The following PIGN variants were observed in gnomAD, a reference collection of about 807,000 sequenced individuals.
The protein encoded by PIGN is GPI ethanolamine phosphate transferase 1.
In PIGN, 117 loss-of-function variants were observed where a neutral mutation model predicts 125.4. The ratio of observed to expected loss-of-function variants is 0.93; its 90% CI spans 0.80 to 1.09. The LOEUF (loss-of-function observed/expected upper bound fraction) is 1.09, where lower values mean the gene tolerates loss of function less well. Among genes scored for constraint, PIGN ranks in the 50% least tolerant of loss-of-function variants. The probability of loss-of-function intolerance (pLI) is 0.00; values close to 1 mark genes in which losing one functional copy is unlikely to be tolerated. For synonymous variants in PIGN, 392 were observed against 377.8 expected, an observed-to-expected ratio of 1.04 and a Z score of -0.44; for missense variants, 1,075 against 1,094.9, an observed-to-expected ratio of 0.98 and a Z score of 0.26.
chr18:62,158,812 G>A (rs532451930), intron 4 of PIGN, among the ~76,000 whole-genome samples: 21 of 152,220 alleles, frequency 1.4e-4, no homozygotes, highest in Admixed American at 5.9e-4. Context: ...AAATATTAAC[G>A]AGAAATATTC....
At chr18:62,150,508 A>T (rs1435426010) in intron 7 of PIGN, among the ~76,000 whole-genome samples, 4 of 152,196 alleles carry the variant, frequency 2.6e-5, no homozygotes, top group Non-Finnish European at 5.9e-5. Context: ...AGTTTTTTAA[A>T]GTAAATAGAT....
intron 10 of PIGN, among the ~76,000 whole-genome samples, chr18:62,143,811 A>C (rs908949216): frequency 6.6e-6 from 1 of 152,210 alleles, no homozygotes; most frequent in Non-Finnish European, 1.5e-5. Flanking sequence ...TCCTGTAGTC[A>C]CTAATCACAA....
At chr18:62,145,847 A>C (rs2036307105) in intron 10 of PIGN, 62 bp downstream of exon 10, 1 of 823,578 alleles carries the variant, frequency 1.2e-6, no homozygotes, top group African/African-American at 1.7e-5. Flanking sequence ...TTTCTTAAAA[A>C]TTTAAACTTT....
intron 30 of PIGN, among the ~76,000 whole-genome samples, chr18:62,070,812 AT>A (rs1028296149): frequency 3.9e-4 from 57 of 147,668 alleles, no homozygotes; most frequent in African/African-American, 1.5e-3. Flanking sequence ...TAATTAATTA[AT>A]TTTTTTTTGA....
intron 3 of PIGN, among the ~76,000 whole-genome samples, chr18:62,161,753 C>T (rs2147627609): frequency 1.3e-5 from 2 of 152,238 alleles, no homozygotes; most frequent in South Asian, 2.1e-4. Context: ...TCAAATCCTA[C>T]AAAAAGAAAA....
intron 23 of PIGN, among the ~76,000 whole-genome samples, chr18:62,029,536 A>T (rs2030165895): frequency 6.6e-6 from 1 of 152,168 alleles, no homozygotes; most frequent in Non-Finnish European, 1.5e-5. Context: ...AGCCAGTTAA[A>T]CTGGCTTAAT....
At position 62,085,070 on chromosome 18, in the gene PIGN, T is replaced by C. The variant is rs2033633271; in HGVS notation, c.2426+139A>G. The stretch of plus-strand genomic sequence containing the variant: ...TTGCAATGAGCCGAGATCACACCAC[T>C]GCCCTCCAGTCTAGGCAACAGAGTG... On this transcript the variant is annotated intron_variant, in intron 26 of 30. Transcript: ENST00000640252. 1.3e-5 allele frequency: 8 copies of C among 596,988 alleles called. No individual in the cohort carries two copies. In the South Asian group the frequency reaches 1.6e-4, roughly 12 times the overall value. 37.0% of individuals were successfully genotyped at this position (596,988 alleles called of 1,614,324 possible).
Position 62,143,355 on chromosome 18 carries a change from T to G in PIGN, c.923-9A>C. On this transcript the variant is annotated splice_polypyrimidine_tract_variant and intron_variant, in intron 10 of 30. Transcript: ENST00000640252. Reference sequence around the variant, plus strand: ...ATTCTCCAATCTCCACTCTGAAAGATACAATCAGACACAAGATCTGATGTT... The same window carrying G: ...ATTCTCCAATCTCCACTCTGAAAGAGACAATCAGACACAAGATCTGATGTT... The G allele has an allele frequency of 6.7e-7, 1 of 1,498,992 alleles. No homozygotes were observed. The highest frequency in any genetic ancestry group is 9.2e-7 in the Non-Finnish European group (1 of 1,088,186). 92.9% of individuals were successfully genotyped at this position (1,498,992 alleles called of 1,614,324 possible).
rs2036356865 is a variant in PIGN, at chr18:62,147,016, T to C, written c.760A>G (p.Lys254Glu). The C allele has an allele frequency of 6.2e-7, 1 of 1,612,332 alleles. No homozygotes were observed. Among genetic ancestry groups the C allele is most frequent in the Non-Finnish European group, 8.5e-7 (1 of 1,178,796 alleles). Residue 254 changes from lysine (K) to glutamate (E), a missense_variant, in exon 9 of 31, where the codon AAA becomes GAA. Transcript: ENST00000640252. ...MFNHFYGNDGKTTFIFTSDHG... is the reference protein window; with the variant it reads ...MFNHFYGNDGETTFIFTSDHG... ...TCAGAGGTAAAGATAAATGTTGTTT[T>C]CCCATCATTTCCATAGAAGTGGTTA...
chr18:62,146,899 C>G, intron 9 of PIGN, 72 bp downstream of exon 9: 1 of 1,481,468 alleles, frequency 6.8e-7, no homozygotes. Context: ...CTCTCAACAT[C>G]ATAAAATATT....
At chr18:62,185,081 G>C (rs1325961242) in intron 1 of PIGN, among the ~76,000 whole-genome samples, 1 of 152,184 alleles carries the variant, frequency 6.6e-6, no homozygotes, top group African/African-American at 2.4e-5. Flanking sequence ...AAATGCAGGA[G>C]ATTTCTCAAT....
chr18:62,065,110 CTT>C (rs1491328452), intron 30 of PIGN, among the ~76,000 whole-genome samples: 1 of 152,124 alleles, frequency 6.6e-6, no homozygotes, highest in Non-Finnish European at 1.5e-5. Flanking sequence ...TTTTCTTTTT[CTT>C]TCTCTCTCTC....
chr18:62,180,862 T>C (rs373018925), intron 1 of PIGN, among the ~76,000 whole-genome samples: 1 of 152,202 alleles, frequency 6.6e-6, no homozygotes, highest in Non-Finnish European at 1.5e-5. Context: ...CAAACATTTA[T>C]CCTTTCTGGT....
intron 29 of PIGN, 31 bp from the exon 30 acceptor site, chr18:62,072,756 AC>A: frequency 2.0e-6 from 3 of 1,514,642 alleles, no homozygotes; most frequent in Non-Finnish European, 2.7e-6. Flanking sequence ...TTAATGAAAA[AC>A]AAAGCTATTT....
intron 20 of PIGN, chr18:62,105,290 A>G (rs1417273753): frequency 7.5e-6 from 2 of 266,592 alleles, no homozygotes; most frequent in African/African-American, 2.2e-5. Flanking sequence ...ACTTAAACAA[A>G]AAAAAATGGG....
chr18:62,123,275 A>C (rs2035379857), intron 14 of PIGN, among the ~76,000 whole-genome samples: 1 of 152,188 alleles, frequency 6.6e-6, no homozygotes, highest in East Asian at 1.9e-4. Context: ...AGACTATAAT[A>C]GAAAAAAATT....
At chr18:62,175,589 A>T (rs1222189464) in intron 1 of PIGN, among the ~76,000 whole-genome samples, 1 of 152,022 alleles carries the variant, frequency 6.6e-6, no homozygotes, top group East Asian at 1.9e-4. Flanking sequence ...TCACCTCATT[A>T]TGGCATCCCA....
At chr18:62,114,119 T>C (rs537334180) in intron 15 of PIGN, among the ~76,000 whole-genome samples, 123 of 152,298 alleles carry the variant, frequency 8.1e-4, no homozygotes, top group Middle Eastern at 3.4e-3. Context: ...CCCAGCACTT[T>C]GGGAAGCCAA....
chr18:62,184,488 C>G (rs1270320153), intron 1 of PIGN: 2 of 152,060 alleles, frequency 1.3e-5, no homozygotes, highest in African/African-American at 4.8e-5. Context: ...AATAACCAAA[C>G]CTCTGTGTAT....
Sources: gnomAD v4.1 joint callset for allele counts (sites outside exome capture counted in the v4.1 genomes callset) on GRCh38, gnomAD v4.1.1 for gene constraint, MANE v1.5 for transcripts, NCBI Gene and HGNC (gene_info 2026-07-23, HGNC 2026-07-21) for gene names.